Variants in ITSN1 observed in about 807,000 individuals in gnomAD.
The protein encoded by ITSN1 is intersectin 1.
In ITSN1, 58 loss-of-function variants were observed where a neutral mutation model predicts 239.8. That is an observed-to-expected ratio of 0.24 (90% CI 0.20 to 0.30). ITSN1 has a LOEUF of 0.30. ITSN1 is among the 10% of genes least tolerant of loss of function. The probability of loss-of-function intolerance (pLI) is 1.00; values close to 1 mark genes in which losing one functional copy is unlikely to be tolerated. For missense variants in ITSN1, 1,558 were observed against 2,103.3 expected, an observed-to-expected ratio of 0.74 and a Z score of 5.07; for synonymous variants, 780 against 770.8, an observed-to-expected ratio of 1.01 and a Z score of -0.20.
At chr21:33,859,098 C>G (rs575448520) in intron 31 of ITSN1, among the ~76,000 whole-genome samples, 1 of 152,212 alleles carries the variant, frequency 6.6e-6, no homozygotes, top group African/African-American at 2.4e-5. Context: ...GGTGCTGGCT[C>G]CATGCTGGGG....
At chr21:33,729,423 G>A (rs1161148125) in intron 4 of ITSN1, among the ~76,000 whole-genome samples, 2 of 151,604 alleles carry the variant, frequency 1.3e-5, no homozygotes, top group African/African-American at 4.9e-5. Context: ...ACTCCAGCCT[G>A]GGCAACAGAG....
chr21:33,757,620 C>T (rs796859012), intron 8 of ITSN1, among the ~76,000 whole-genome samples: 21 of 152,074 alleles, frequency 1.4e-4, no homozygotes, highest in African/African-American at 3.6e-4. Flanking sequence ...TTGATGGAAA[C>T]AGCTGATTTG....
chr21:33,772,651 T>C (rs1049721646), intron 12 of ITSN1, among the ~76,000 whole-genome samples: 5 of 152,242 alleles, frequency 3.3e-5, no homozygotes, highest in Admixed American at 3.3e-4. Context: ...TCATTTAGCA[T>C]AATGTTTTCA....
intron 1 of ITSN1, among the ~76,000 whole-genome samples, chr21:33,696,894 A>G (rs966849861): frequency 6.6e-6 from 1 of 152,224 alleles, no homozygotes; most frequent in African/African-American, 2.4e-5. Context: ...GAGGTATACA[A>G]TTTAAATACC....
chr21:33,794,397 T>C lies in ITSN1; in HGVS notation c.1881T>C (p.Ala627=). The C allele has an allele frequency of 6.2e-7, 1 of 1,613,994 alleles. No individual in the cohort carries two copies. The highest frequency in any genetic ancestry group is 1.1e-5 in the South Asian group (1 of 91,046). The change falls in exon 17 of 40, where the codon GCT becomes GCC. Residue 627 remains alanine, a synonymous_variant. Coordinates refer to ENST00000381318, the MANE Select transcript of ITSN1 (RefSeq NM_003024.3). The stretch of plus-strand genomic sequence containing the variant: ...TCCAGAAGCAAAAGTCCATGGAGGC[T>C]GAACGACTGAAACAGAAAGAACAAG... ...QQLQKQKSME[A]ERLKQKEQER...
At chr21:33,841,223 T>C (rs952124840) in intron 29 of ITSN1, among the ~76,000 whole-genome samples, 4 of 152,374 alleles carry the variant, frequency 2.6e-5, no homozygotes, top group Non-Finnish European at 4.4e-5. Flanking sequence ...GATTGGGTTA[T>C]CTATGCTTTC....
intron 1 of ITSN1, among the ~76,000 whole-genome samples, chr21:33,707,583 T>C (rs1040447796): frequency 6.6e-6 from 1 of 152,230 alleles, no homozygotes; most frequent in African/African-American, 2.4e-5. Flanking sequence ...AAACCACTGA[T>C]GGGGTTTTTG....
intron 26 of ITSN1, among the ~76,000 whole-genome samples, chr21:33,828,555 A>G (rs2074103314): frequency 6.6e-6 from 1 of 152,248 alleles, no homozygotes; most frequent in African/African-American, 2.4e-5. Flanking sequence ...TGAGTAGAAA[A>G]GTAGGAAATC....
intron 11 of ITSN1, 72 bp downstream of exon 11, chr21:33,767,900 A>AAG (rs1222970995): frequency 1.2e-6 from 1 of 803,392 alleles, no homozygotes; most frequent in Non-Finnish European, 2.0e-6. Flanking sequence ...CTCTAAGACA[A>AAG]AGATAGAGGT....
intron 39 of ITSN1, among the ~76,000 whole-genome samples, chr21:33,887,328 A>AAC (rs1308189269): frequency 1.3e-5 from 2 of 151,964 alleles, no homozygotes; most frequent in Non-Finnish European, 2.9e-5. Context: ...CCAAAAAAAA[A>AAC]AAAATCACAG....
intron 1 of ITSN1, among the ~76,000 whole-genome samples, chr21:33,694,237 G>A (rs1601679815): frequency 6.6e-6 from 1 of 152,060 alleles, no homozygotes; most frequent in East Asian, 1.9e-4. Flanking sequence ...TTGTTGCTTA[G>A]GCTAGTGTCA....
intron 1 of ITSN1, among the ~76,000 whole-genome samples, chr21:33,675,566 CAAAAAAT>C (rs989123274): frequency 2.6e-5 from 4 of 151,608 alleles, no homozygotes; most frequent in Admixed American, 6.6e-5. Flanking sequence ...GACTCTGTCT[CAAAAAAT>C]AAAAAATAAA....
At chr21:33,878,497 T>TA (rs758355022) in intron 34 of ITSN1, among the ~76,000 whole-genome samples, 27 of 152,174 alleles carry the variant, frequency 1.8e-4, no homozygotes, top group Non-Finnish European at 3.2e-4. Flanking sequence ...CACCATTCAC[T>TA]AGGGTTTCCC....
intron 1 of ITSN1, among the ~76,000 whole-genome samples, chr21:33,674,473 GA>G (rs1275375918): frequency 6.6e-6 from 1 of 152,084 alleles, no homozygotes; most frequent in Non-Finnish European, 1.5e-5. Flanking sequence ...TTGGTGTGGG[GA>G]CCAGACTTTG....
intron 35 of ITSN1, among the ~76,000 whole-genome samples, chr21:33,883,225 C>T (rs898161699): frequency 4.6e-5 from 7 of 152,240 alleles, no homozygotes; most frequent in Admixed American, 2.6e-4. Context: ...AAAACATACC[C>T]GCAAAATCGT....
intron 14 of ITSN1, among the ~76,000 whole-genome samples, chr21:33,779,303 A>G (rs1364831392): frequency 6.6e-6 from 1 of 152,162 alleles, no homozygotes; most frequent in East Asian, 1.9e-4. Flanking sequence ...TGATACAAAC[A>G]TTTTAAGCTT....
chr21:33,870,929 C>T (rs1982596333), intron 33 of ITSN1, among the ~76,000 whole-genome samples: 1 of 152,148 alleles, frequency 6.6e-6, no homozygotes, highest in Admixed American at 6.5e-5. Context: ...TCTAATCCCC[C>T]TGAGTCATGC....
intron 1 of ITSN1, among the ~76,000 whole-genome samples, chr21:33,647,442 A>G (rs1406537297): frequency 2.0e-5 from 3 of 151,994 alleles, no homozygotes; most frequent in Admixed American, 2.0e-4. Context: ...ATTGCATTAT[A>G]ACAATTTTAG....
chr21:33,843,572 A>G (rs999753547), intron 29 of ITSN1, among the ~76,000 whole-genome samples: 2 of 152,164 alleles, frequency 1.3e-5, no homozygotes, highest in Non-Finnish European at 2.9e-5. Context: ...ATATAACAAC[A>G]CGGCTTCTCT....
Sources: allele counts gnomAD v4.1 joint callset (sites outside exome capture counted in the v4.1 genomes callset), GRCh38; gene constraint gnomAD v4.1.1; transcripts MANE v1.5; gene names NCBI Gene and HGNC (gene_info 2026-07-23, HGNC 2026-07-21).